PLB1: variants seen among roughly 807,000 people sequenced by gnomAD.
PLB1 encodes phospholipase B1.
In PLB1, 242 loss-of-function variants were observed where a neutral mutation model predicts 227.4. The ratio of observed to expected loss-of-function variants is 1.06; its 90% CI spans 0.96 to 1.18. The LOEUF (loss-of-function observed/expected upper bound fraction) is 1.18, where lower values mean the gene tolerates loss of function less well. Among genes scored for constraint, PLB1 ranks in the 50% most tolerant of loss-of-function variants. The pLI, the probability that PLB1 is intolerant of heterozygous loss-of-function variation, is 0.00. For missense variants in PLB1, 1,858 were observed against 1,816.3 expected, an observed-to-expected ratio of 1.02 and a Z score of -0.42; for synonymous variants, 757 against 682.2, an observed-to-expected ratio of 1.11 and a Z score of -1.71.
chr2:28,517,906 T>C (rs971961037), intron 2 of PLB1, among the ~76,000 whole-genome samples: 5 of 149,618 alleles, frequency 3.3e-5, no homozygotes, highest in African/African-American at 1.2e-4. Context: ...AGTCTTGCTG[T>C]GTTTGTTGCC....
chr2:28,503,139 A>T (rs1667283476), intron 1 of PLB1, among the ~76,000 whole-genome samples: 1 of 151,924 alleles, frequency 6.6e-6, no homozygotes, highest in Non-Finnish European at 1.5e-5. Flanking sequence ...TATTTTTTTC[A>T]AACCAATTTT....
chr2:28,618,669 G>A (rs926685620), intron 46 of PLB1, among the ~76,000 whole-genome samples: 5 of 152,136 alleles, frequency 3.3e-5, no homozygotes, highest in East Asian at 1.9e-4. Context: ...GTTCACAGGC[G>A]TTTTGTTGGT....
chr2:28,611,800 G>A (rs889560015), intron 43 of PLB1, among the ~76,000 whole-genome samples: 2 of 152,072 alleles, frequency 1.3e-5, no homozygotes, highest in Non-Finnish European at 2.9e-5. Context: ...TGTTGTAGAG[G>A]GTCCAGGGCT....
At chr2:28,636,057 G>GTGTA (rs375434712) in intron 56 of PLB1, among the ~76,000 whole-genome samples, 28 of 109,334 alleles carry the variant, frequency 2.6e-4, no homozygotes, top group African/African-American at 5.0e-4. Context: ...ATGTGTATGT[G>GTGTA]TGTATGTATG....
chr2:28,499,385 G>A (rs1448722869), intron 1 of PLB1, among the ~76,000 whole-genome samples: 2 of 152,002 alleles, frequency 1.3e-5, no homozygotes, highest in Non-Finnish European at 2.9e-5. Context: ...ACAAAGCAAT[G>A]GCAAAATAGC....
intron 56 of PLB1, among the ~76,000 whole-genome samples, chr2:28,637,691 C>T (rs1169542144): frequency 6.6e-6 from 1 of 152,240 alleles, no homozygotes; most frequent in Non-Finnish European, 1.5e-5. Context: ...GTGACTCCAG[C>T]AGCGTCCTGC....
intron 26 of PLB1, among the ~76,000 whole-genome samples, chr2:28,587,558 C>A (rs1018217866): frequency 1.3e-5 from 2 of 151,696 alleles, no homozygotes; most frequent in South Asian, 2.1e-4. Context: ...TGCAGTGAGC[C>A]GAGATTGCAC....
chr2:28,597,001 C>T (rs1332929402), intron 33 of PLB1, among the ~76,000 whole-genome samples: 1 of 152,186 alleles, frequency 6.6e-6, no homozygotes, highest in Admixed American at 6.5e-5. Context: ...CGGTGGCTCA[C>T]GCCTGTAATC....
At chr2:28,509,266 C>A (rs141057708) in intron 1 of PLB1, among the ~76,000 whole-genome samples, 1 of 152,300 alleles carries the variant, frequency 6.6e-6, no homozygotes, top group Non-Finnish European at 1.5e-5. Context: ...TCACCCCACC[C>A]GTATGTGGCC....
rs1200124982 is a variant in PLB1 at position 28,590,015 on chromosome 2, T to G, written c.2027T>G (p.Val676Gly). Residue 676 changes from valine to glycine, a missense_variant, in exon 29 of 58, where the codon GTT becomes GGT. Transcript: ENST00000327757. ...SALWNNMLEP[V>G]GQKTTRHKFE... ...TGCTTCTTTGTTTAGCTGGAGCCTG[T>G]TGGCCAGAAGACGACTCGTCATAAG... 1 of 1,613,530 alleles carries G rather than the reference T, an allele frequency of 6.2e-7. No homozygotes were observed. The highest frequency in any genetic ancestry group is 8.5e-7 in the Non-Finnish European group (1 of 1,179,574).
intron 4 of PLB1, 111 bp from the exon 5 acceptor site, chr2:28,525,155 AG>A (rs2148186286): frequency 1.1e-6 from 1 of 948,164 alleles, no homozygotes; most frequent in East Asian, 2.6e-5. Flanking sequence ...CTGGGCTTGT[AG>A]GTTCCCTCTT....
intron 9 of PLB1, among the ~76,000 whole-genome samples, chr2:28,536,980 A>G (rs72780613): frequency 0.053 from 8,055 of 152,230 alleles, 268 homozygotes; most frequent in East Asian, 0.088. Context: ...TATGGTTCAG[A>G]TGGGCAGCGA....
At chr2:28,562,902 T>C in intron 17 of PLB1, 139 bp from the exon 18 acceptor site, 1 of 771,744 alleles carries the variant, frequency 1.3e-6, no homozygotes, top group East Asian at 2.5e-5. Flanking sequence ...GTTTTTCCTA[T>C]CTTTTATCCA....
chr2:28,581,499 AAATAAAT>A (rs1423431916), intron 23 of PLB1, among the ~76,000 whole-genome samples: 3 of 98,366 alleles, frequency 3.0e-5, no homozygotes, highest in Non-Finnish European at 4.1e-5. Context: ...ATAAATAAAT[AAATAAAT>A]AAATAAATAA....
chr2:28,598,489 G>T (rs566009045), intron 34 of PLB1, among the ~76,000 whole-genome samples, 163 bp from the exon 35 acceptor site: 10 of 152,198 alleles, frequency 6.6e-5, no homozygotes, highest in African/African-American at 2.4e-4. Context: ...ACTTAGGGTG[G>T]TCCCAGCTTA....
intron 12 of PLB1, 117 bp from the exon 13 acceptor site, chr2:28,541,590 C>CAA: frequency 1.4e-6 from 1 of 706,104 alleles, no homozygotes; most frequent in South Asian, 1.8e-5. Flanking sequence ...TAGCACTTGA[C>CAA]CACAACGCAA....
intron 3 of PLB1, among the ~76,000 whole-genome samples, 168 bp from the exon 4 acceptor site, chr2:28,519,537 C>T (rs1427676463): frequency 1.3e-5 from 2 of 152,190 alleles, no homozygotes; most frequent in East Asian, 3.9e-4. Flanking sequence ...TCCTAGGGTT[C>T]CCAGGCACTG....
chr2:28,625,256 G>A, intron 50 of PLB1, 148 bp downstream of exon 50: 1 of 737,198 alleles, frequency 1.4e-6, no homozygotes. Flanking sequence ...TTACCAAGGA[G>A]GCGCCTGCCC....
intron 38 of PLB1, 111 bp from the exon 39 acceptor site, chr2:28,602,710 A>C (rs1346136508): frequency 1.1e-6 from 1 of 951,332 alleles, no homozygotes; most frequent in Non-Finnish European, 1.7e-6. Context: ...CCAGAACTCA[A>C]CTCCAGAAAG....
Sources: allele counts gnomAD v4.1 joint callset (sites outside exome capture counted in the v4.1 genomes callset), GRCh38; gene constraint gnomAD v4.1.1; transcripts MANE v1.5; gene names NCBI Gene and HGNC (gene_info 2026-07-23, HGNC 2026-07-21).